SGMS1: variants seen among roughly 807,000 people sequenced by gnomAD.
SGMS1 encodes phosphatidylcholine:ceramide cholinephosphotransferase 1.
A neutral mutation model predicts 46.2 loss-of-function variants in SGMS1; 13 were observed. The ratio of observed to expected loss-of-function variants is 0.28; its 90% confidence interval spans 0.18 to 0.45. The LOEUF is 0.45. Among genes scored for constraint, SGMS1 ranks in the 20% least tolerant of loss-of-function variants. The probability of loss-of-function intolerance (pLI) is 1.00; values close to 1 mark genes in which losing one functional copy is unlikely to be tolerated. For synonymous variants in SGMS1, 203 were observed against 187.8 expected (o/e 1.08, Z -0.66); for missense variants, 324 against 519.9 (o/e 0.62, Z 3.66).
chr10:50,533,380 TTAATA>T (rs1483025496), intron 2 of SGMS1, among the ~76,000 whole-genome samples: 2 of 152,204 alleles, frequency 1.3e-5, no homozygotes, highest in African/African-American at 4.8e-5. Context: ...TTTTTTGACT[TTAATA>T]TAACAGTCCT....
intron 6 of SGMS1, among the ~76,000 whole-genome samples, chr10:50,412,235 C>A (rs1048298057): frequency 6.6e-6 from 1 of 152,172 alleles, no homozygotes; most frequent in African/African-American, 2.4e-5. Context: ...AATAGGGACA[C>A]TGAGAAAGAA....
intron 6 of SGMS1, among the ~76,000 whole-genome samples, chr10:50,421,745 G>A (rs1036252813): frequency 6.6e-6 from 1 of 152,126 alleles, no homozygotes; most frequent in African/African-American, 2.4e-5. Flanking sequence ...GACGGTGGGG[G>A]CCTCCGAGTG....
At chr10:50,344,751 C>G (rs1847888412) in intron 6 of SGMS1, among the ~76,000 whole-genome samples, 1 of 152,018 alleles carries the variant, frequency 6.6e-6, no homozygotes, top group Admixed American at 6.6e-5. Context: ...CGCCTGTAGT[C>G]CCAGCTACTC....
chr10:50,625,034 A>G, upstream of SGMS1: 1 of 1,003,582 alleles, frequency 1.0e-6, no homozygotes, highest in Non-Finnish European at 1.2e-6. Context: ...ACGCCCTCCC[A>G]TCGGGCTTTG....
chr10:50,337,700 C>G lies in SGMS1; in HGVS notation c.623+5792G>C, dbSNP rs182600886. On this transcript the variant is annotated intron_variant, in intron 7 of 10. Coordinates refer to ENST00000361781, the MANE Select transcript of SGMS1 (RefSeq NM_147156.4). ...CTAGTCTATTGAATAAAACACAAAC[C>G]AAAAACAGATTAGCATCTGACAAAA... Among the ~76,000 whole-genome samples, 898 of 151,750 alleles carry G rather than the reference C, an allele frequency of 5.9e-3. 12 individuals are homozygous for G. Among genetic ancestry groups the G allele is most frequent in the African/African-American group, 0.02 (812 of 41,420 alleles).
chr10:50,355,724 C>G (rs536136415), intron 6 of SGMS1, among the ~76,000 whole-genome samples: 2 of 152,254 alleles, frequency 1.3e-5, no homozygotes, highest in African/African-American at 4.8e-5. Flanking sequence ...GCGCCTCTGC[C>G]TGGCCGCCCA....
chr10:50,608,022 G>C (rs1381826794), intron 1 of SGMS1, among the ~76,000 whole-genome samples: 1 of 152,186 alleles, frequency 6.6e-6, no homozygotes, highest in African/African-American at 2.4e-5. Context: ...TATATGCTAA[G>C]AAATCAAGTC....
At chr10:50,604,739 T>C (rs549871175) in intron 1 of SGMS1, among the ~76,000 whole-genome samples, 40 of 152,280 alleles carry the variant, frequency 2.6e-4, no homozygotes, top group Non-Finnish European at 5.4e-4. Flanking sequence ...AAGTCCTCGA[T>C]TGATCAACTC....
intron 5 of SGMS1, among the ~76,000 whole-genome samples, chr10:50,458,767 G>T (rs1157733673): frequency 6.6e-6 from 1 of 151,780 alleles, no homozygotes; most frequent in Admixed American, 6.6e-5. Context: ...GGATTTTTAC[G>T]GTGATTTAAA....
intron 3 of SGMS1, among the ~76,000 whole-genome samples, chr10:50,489,118 A>T (rs1416670349): frequency 6.6e-6 from 1 of 152,234 alleles, no homozygotes; most frequent in Admixed American, 6.5e-5. Flanking sequence ...GCCAATACTA[A>T]CCTCTAGCCC....
intron 8 of SGMS1, among the ~76,000 whole-genome samples, chr10:50,313,557 T>A (rs927451287): frequency 1.3e-5 from 2 of 152,158 alleles, no homozygotes; most frequent in African/African-American, 4.8e-5. Flanking sequence ...ACATTATAAT[T>A]TTTTTTAAAG....
chr10:50,403,489 C>T (rs1460481765), intron 6 of SGMS1, among the ~76,000 whole-genome samples: 2 of 152,084 alleles, frequency 1.3e-5, no homozygotes, highest in African/African-American at 4.8e-5. Context: ...TTCTCTATTT[C>T]TGCTCATCCT....
At chr10:50,436,248 G>A (rs1484491781) in intron 5 of SGMS1, among the ~76,000 whole-genome samples, 1 of 152,102 alleles carries the variant, frequency 6.6e-6, no homozygotes, top group Admixed American at 6.5e-5. Context: ...GGGACTACAG[G>A]TGCCCGCCAC....
In SGMS1 at chr10:50,344,176, G is replaced by A. The variant is rs537357738; in HGVS notation, c.-62C>T. 1.1e-5 allele frequency: 16 copies of A among 1,517,956 alleles called. No individual in the cohort carries two copies. The highest frequency in any genetic ancestry group is 6.4e-5 in the Admixed American group (3 of 46,746). 94.0% of individuals were successfully genotyped at this position (1,517,956 alleles called of 1,614,324 possible). A position where few individuals can be genotyped will look rare whatever the true frequency, so the allele number is the denominator to read the frequency against. On this transcript the variant is annotated 5_prime_UTR_variant, in exon 7 of 11. Coordinates refer to ENST00000361781, the MANE Select transcript of SGMS1 (RefSeq NM_147156.4). ...TTGGCAGGTCAGCAGTCACTGTTCC[G>A]ACAGGGCAGGACACTGTCCTGCCTC...
intron 6 of SGMS1, among the ~76,000 whole-genome samples, chr10:50,376,956 G>A (rs1330649555): frequency 6.6e-6 from 1 of 152,142 alleles, no homozygotes; most frequent in Admixed American, 6.5e-5. Flanking sequence ...TCCAGAGTGA[G>A]CACAACATTA....
At chr10:50,580,701 G>A (rs1419590751) in intron 2 of SGMS1, among the ~76,000 whole-genome samples, 1 of 152,126 alleles carries the variant, frequency 6.6e-6, no homozygotes, top group African/African-American at 2.4e-5. Flanking sequence ...CAAAGTATGC[G>A]AAGTAGTCAA....
chr10:50,511,030 C>T (rs1048266854), intron 3 of SGMS1, among the ~76,000 whole-genome samples: 1 of 152,088 alleles, frequency 6.6e-6, no homozygotes, highest in Admixed American at 6.6e-5. Flanking sequence ...TTTTCCCTTA[C>T]CACATTAAAA....
chr10:50,388,056 A>G lies in SGMS1; in HGVS notation c.-231-43711T>C, dbSNP rs367580857. ...CTGAACTTAAAATATTTAAGGAGGC[A>G]GCTTTAGACTAAACTTGATTTAACA... On this transcript the variant is annotated intron_variant, in intron 6 of 10. Coordinates refer to ENST00000361781, the MANE Select transcript of SGMS1 (RefSeq NM_147156.4). Among the ~76,000 whole-genome samples the G allele has an allele frequency of 2.0e-5, 3 of 152,340 alleles. No homozygotes were observed. The East Asian group carries it at 5.8e-4, about 29-fold the overall frequency.
Position 50,307,114 on chromosome 10 carries a change from T to C in SGMS1, c.*28A>G, listed in dbSNP as rs780726080. 3 of 1,604,372 alleles carry C rather than the reference T, an allele frequency of 1.9e-6. No individual in the cohort carries two copies. The highest frequency in any genetic ancestry group is 1.7e-4 in the Middle Eastern group (1 of 5,984). ...ATGGAGTTCTTAGCACTTCGGACAA[T>C]TTGTCTTTTCCCCACTTTGTACAGC... On this transcript the variant is annotated 3_prime_UTR_variant, in exon 11 of 11. Transcript: ENST00000361781. This position sits in a 1 kb window ranked among gnomAD's most constrained non-coding sequence, Gnocchi z 4.2.
Sources: gnomAD v4.1 joint callset for allele counts (sites outside exome capture counted in the v4.1 genomes callset) on GRCh38, gnomAD v4.1.1 for gene constraint, Gnocchi (gnomAD v3.1) non-coding constraint, MANE v1.5 for transcripts, NCBI Gene and HGNC (gene_info 2026-07-23, HGNC 2026-07-21) for gene names.